AHRR: variants seen among roughly 807,000 people sequenced by gnomAD.
AHRR encodes aryl hydrocarbon receptor repressor.
Under a neutral mutation model 44.0 loss-of-function variants are expected in AHRR, and 28 were observed. The ratio of observed to expected loss-of-function variants is 0.64; its 90% CI spans 0.47 to 0.87. AHRR has a LOEUF of 0.87. Among genes scored for constraint, AHRR ranks in the 40% least tolerant of loss-of-function variants. AHRR has a pLI of 0.00. For missense variants in AHRR, 990 were observed against 953.9 expected, an observed-to-expected ratio of 1.04 and a Z score of -0.50; for synonymous variants, 434 against 407.0, an observed-to-expected ratio of 1.07 and a Z score of -0.80.
chr5:376,478 C>T, intron 3 of AHRR, 132 bp from the exon 4 acceptor site: 3 of 23,964 alleles, frequency 1.3e-4, no homozygotes, highest in South Asian at 4.6e-4. Context: ...GCAGAGGGGT[C>T]AGTGCAGCCC....
intron 3 of AHRR, among the ~76,000 whole-genome samples, chr5:367,376 G>T (rs1246069946): frequency 6.6e-6 from 1 of 152,230 alleles, no homozygotes; most frequent in Non-Finnish European, 1.5e-5. Flanking sequence ...TTGGGCAGCT[G>T]GGCCTTTTGC....
intron 6 of AHRR, 58 bp from the exon 7 acceptor site, chr5:423,783 T>G (rs777407463): frequency 8.3e-5 from 128 of 1,542,898 alleles, no homozygotes; most frequent in Non-Finnish European, 1.0e-4. Context: ...GTTGTGCGTG[T>G]GACACGTGTG....
intron 3 of AHRR, 30 bp from the exon 4 acceptor site, chr5:376,580 G>A (rs529565718): frequency 3.3e-6 from 1 of 304,130 alleles, no homozygotes. Context: ...AGGGTTGGGG[G>A]TGCCTAATGT....
intron 5 of AHRR, among the ~76,000 whole-genome samples, chr5:417,591 C>G (rs376549876): frequency 2.0e-5 from 3 of 152,248 alleles, no homozygotes; most frequent in South Asian, 4.1e-4. Flanking sequence ...TTAGCCATGG[C>G]TCGATGGTCT....
chr5:392,930 G>A (rs1192532462), intron 4 of AHRR, among the ~76,000 whole-genome samples: 1 of 151,938 alleles, frequency 6.6e-6, no homozygotes, highest in Non-Finnish European at 1.5e-5. Flanking sequence ...GCAGGTGACG[G>A]GTCAAGGGAT....
chr5:376,040 G>A (rs1394571332), intron 3 of AHRR, among the ~76,000 whole-genome samples: 8 of 152,110 alleles, frequency 5.3e-5, no homozygotes, highest in Admixed American at 2.0e-4. Context: ...CCCTGGGGGC[G>A]TGGGGCCTGG....
At chr5:322,548 G>C (rs575646876) in intron 1 of AHRR, 1 of 152,136 alleles carries the variant, frequency 6.6e-6, no homozygotes, top group South Asian at 2.1e-4. Flanking sequence ...CTCGTCTGCG[G>C]GGTTCTTGCA....
intron 3 of AHRR, among the ~76,000 whole-genome samples, chr5:374,944 C>T (rs550061349): frequency 1.2e-3 from 176 of 152,342 alleles, no homozygotes; most frequent in African/African-American, 3.9e-3. Flanking sequence ...CCTGGGGACA[C>T]CACAGACGCT....
chr5:353,635 C>T, intron 2 of AHRR, 95 bp from the exon 3 acceptor site: 1 of 1,183,494 alleles, frequency 8.4e-7, no homozygotes, highest in Non-Finnish European at 1.2e-6. Context: ...AGCGTAGATG[C>T]TCCTAGTAAG....
intron 1 of AHRR, among the ~76,000 whole-genome samples, chr5:340,680 A>ATTTTT (rs1742303476): frequency 4.1e-5 from 1 of 24,586 alleles, no homozygotes; most frequent in Non-Finnish European, 7.4e-5. Context: ...ATATATATAT[A>ATTTTT]TATATATATT....
intron 4 of AHRR, among the ~76,000 whole-genome samples, chr5:385,406 C>T (rs1734139817): frequency 6.6e-6 from 1 of 152,182 alleles, no homozygotes; most frequent in Non-Finnish European, 1.5e-5. Flanking sequence ...AACTCCTGAC[C>T]TGAAGCAGTT....
At chr5:343,503 G>A in intron 1 of AHRR, 1 of 157,654 alleles carries the variant, frequency 6.3e-6, no homozygotes, top group Non-Finnish European at 1.2e-5. Flanking sequence ...CGTGACGAGT[G>A]TTTGGAGGCT....
chr5:431,865 G>A (rs1736749314), intron 8 of AHRR, among the ~76,000 whole-genome samples: 1 of 152,258 alleles, frequency 6.6e-6, no homozygotes, highest in African/African-American at 2.4e-5. Context: ...CCAGAGGACA[G>A]AGAGGAGGGC....
intron 4 of AHRR, among the ~76,000 whole-genome samples, chr5:399,278 G>A (rs1046604753): frequency 3.3e-5 from 5 of 152,224 alleles, no homozygotes; most frequent in African/African-American, 9.6e-5. Context: ...CCAGGACCCC[G>A]GCAGGATGGG....
intron 5 of AHRR, chr5:422,437 G>A (rs181301897): frequency 9.1e-6 from 4 of 437,870 alleles, no homozygotes; most frequent in African/African-American, 4.0e-5. Context: ...GCCCCAGAGT[G>A]TCTGCGGCCC....
rs1482045775 is a variant in AHRR, at chr5:353,756, C to G, written c.89C>G (p.Ser30Cys). 6.2e-7 allele frequency: 1 copy of G among 1,612,202 alleles called. No homozygotes were observed. Among genetic ancestry groups the G allele is most frequent in the African/African-American group, 1.3e-5 (1 of 74,916 alleles). The stretch of plus-strand genomic sequence containing the variant: ...AGGCCCGCCGTGGGGGCAGAGAAGT[C>G]CAACCCCTCCAAGCGACACCGGGAC... ...KQRPAVGAEKSNPSKRHRDRL... is the reference protein window; with the variant it reads ...KQRPAVGAEKCNPSKRHRDRL... The change falls in exon 3 of 11, where the codon TCC (serine) becomes TGC (cysteine). Residue 30 changes from serine to cysteine, a missense_variant. Coordinates refer to ENST00000684583, the MANE Select transcript of AHRR (RefSeq NM_001377236.1).
rs2672779 is a variant in AHRR at position 434,940 on chromosome 5, G to T, written c.*106G>T. The T allele has an allele frequency of 0.4, 567,708 of 1,409,112 alleles. 117,684 individuals carry two copies. The highest frequency in any genetic ancestry group is 0.64 in the African/African-American group (44,601 of 69,900). 87.3% of individuals were successfully genotyped at this position (1,409,112 alleles called of 1,614,324 possible). A position where few individuals can be genotyped will look rare whatever the true frequency, so the allele number is the denominator to read the frequency against. Reference sequence around the variant, plus strand: ...GGCCGGAGCCCGTCCTAAGACACACGCTTTGCAGAGCTGTGCATGCGCAGT... The same window carrying T: ...GGCCGGAGCCCGTCCTAAGACACACTCTTTGCAGAGCTGTGCATGCGCAGT... On this transcript the variant is annotated 3_prime_UTR_variant, in exon 11 of 11. Transcript: ENST00000684583.
At chr5:390,618 G>A (rs184043343) in intron 4 of AHRR, among the ~76,000 whole-genome samples, 20 of 152,278 alleles carry the variant, frequency 1.3e-4, no homozygotes, top group African/African-American at 4.6e-4. Context: ...GAGACGCCGG[G>A]GGTCAGAGCT....
At chr5:335,698 G>A (rs1373573822) in intron 1 of AHRR, among the ~76,000 whole-genome samples, 1 of 152,244 alleles carries the variant, frequency 6.6e-6, no homozygotes, top group African/African-American at 2.4e-5. Context: ...GCCATGGATG[G>A]AAGACCTGCA....
Sources: gnomAD v4.1 joint callset for allele counts (sites outside exome capture counted in the v4.1 genomes callset) on GRCh38, gnomAD v4.1.1 for gene constraint, MANE v1.5 for transcripts, NCBI Gene and HGNC (gene_info 2026-07-23, HGNC 2026-07-21) for gene names.